The following AKAP13 variants were observed in gnomAD, a reference collection of about 807,000 sequenced individuals.
AKAP13 encodes A-kinase anchor protein 13.
In AKAP13, 80 loss-of-function variants were observed where a neutral mutation model predicts 264.5. The observed-to-expected ratio is 0.30, with a 90% CI of 0.25 to 0.36. The LOEUF (loss-of-function observed/expected upper bound fraction) is 0.36. Ranked by LOEUF, AKAP13 falls within the 10% of genes least tolerant of loss-of-function variation. The pLI, the probability that AKAP13 is intolerant of heterozygous loss-of-function variation, is 1.00. For missense variants in AKAP13, 3,712 were observed against 3,435.2 expected, an observed-to-expected ratio of 1.08 and a Z score of -2.01; for synonymous variants, 1,380 against 1,250.2, an observed-to-expected ratio of 1.10 and a Z score of -2.19.
intron 2 of AKAP13, among the ~76,000 whole-genome samples, chr15:85,517,326 A>G (rs1304063938): frequency 6.6e-6 from 1 of 151,098 alleles, no homozygotes; most frequent in Non-Finnish European, 1.5e-5. Context: ...CCATCCCCCA[A>G]ATACGTTTCC....
At chr15:85,446,999 C>T (rs1019258991) in intron 1 of AKAP13, among the ~76,000 whole-genome samples, 7 of 152,018 alleles carry the variant, frequency 4.6e-5, no homozygotes, top group South Asian at 2.1e-4. Flanking sequence ...CCGGGTGTGG[C>T]GGCTCACACC....
chr15:85,688,308 T>C (rs1386883045), intron 16 of AKAP13, among the ~76,000 whole-genome samples: 1 of 152,208 alleles, frequency 6.6e-6, no homozygotes, highest in African/African-American at 2.4e-5. Flanking sequence ...GACACTGATT[T>C]TTCTGTGAAA....
chr15:85,484,967 T>C (rs146382911), intron 1 of AKAP13, among the ~76,000 whole-genome samples: 483 of 152,302 alleles, frequency 3.2e-3, no homozygotes, highest in African/African-American at 0.011. Context: ...TCTTAAGAGA[T>C]TGAGATCACT....
Position 85,580,065 on chromosome 15 carries a change from C to T in AKAP13, c.1997C>T (p.Ala666Val), listed in dbSNP as rs760769584. 3 of 1,614,210 alleles carry T rather than the reference C, an allele frequency of 1.9e-6. No homozygotes were observed. The highest frequency in any genetic ancestry group is 2.5e-6 in the Non-Finnish European group (3 of 1,180,032). ...TGDDKLCADSACQQNTVTSSG... is the reference protein window; with the variant it reads ...TGDDKLCADSVCQQNTVTSSG... Reference sequence around the variant, plus strand: ...GACGATAAACTTTGTGCAGACTCTGCATGTCAACAGAACACAGTGACTTCT... The same window carrying T: ...GACGATAAACTTTGTGCAGACTCTGTATGTCAACAGAACACAGTGACTTCT... Residue 666 changes from alanine to valine, a missense_variant, in exon 7 of 37, where the codon GCA (alanine) becomes GTA (valine). Around this residue, in one of 3 missense-constraint regions of AKAP13, gnomAD observed 2,759 missense variants for 2,411.7 expected, o/e 1.14. Transcript: ENST00000394518.
chr15:85,493,823 TAAAAG>T (rs1278487944), intron 2 of AKAP13, among the ~76,000 whole-genome samples: 1 of 152,016 alleles, frequency 6.6e-6, no homozygotes, highest in African/African-American at 2.4e-5. Context: ...TGTCAGATGA[TAAAAG>T]AAAAAGCCAA....
intron 32 of AKAP13, 24 bp from the exon 33 acceptor site, chr15:85,736,066 A>T: frequency 6.5e-7 from 1 of 1,548,262 alleles, no homozygotes; most frequent in South Asian, 1.1e-5. Context: ...TCATTTTTTT[A>T]TATGTATGTT....
chr15:85,574,770 C>T (rs11630968), intron 5 of AKAP13, among the ~76,000 whole-genome samples: 30,841 of 152,186 alleles, frequency 0.2, 4,134 homozygotes, highest in Middle Eastern at 0.41. Flanking sequence ...AAGAGCACCT[C>T]TTAATAAGCC....
chr15:85,399,502 C>CAAAAAAAA (rs71138392), intron 1 of AKAP13, among the ~76,000 whole-genome samples: 125 of 76,830 alleles, frequency 1.6e-3, no homozygotes, highest in East Asian at 3.0e-3. Flanking sequence ...GACTCCGTCT[C>CAAAAAAAA]AAAAAAAAAA....
chr15:85,630,234 AACACACACAC>A (rs71141472), intron 8 of AKAP13, among the ~76,000 whole-genome samples: 5 of 119,166 alleles, frequency 4.2e-5, no homozygotes, highest in South Asian at 3.2e-4. Context: ...GGAAAATTGT[AACACACACAC>A]ACACACACAC....
chr15:85,710,850 A>G (rs1224245033), intron 19 of AKAP13, among the ~76,000 whole-genome samples: 3 of 152,160 alleles, frequency 2.0e-5, no homozygotes, highest in East Asian at 1.9e-4. Flanking sequence ...GGTCTCTAAA[A>G]CAGTCTGTGT....
In AKAP13 at chr15:85,708,250, G is replaced by A. The variant is rs940121094; in HGVS notation, c.5532+164G>A. 1.3e-5 allele frequency among the ~76,000 whole-genome samples: 2 copies of A among 152,162 alleles called. No homozygotes were observed. Among genetic ancestry groups the A allele is most frequent in the Admixed American group, 6.5e-5 (1 of 15,282 alleles). ...CTAAAAAATATTTTTTCTCTTAAGC[G>A]ATCAATCTTCTTCTTGAGTAACACT... On this transcript the variant is annotated intron_variant, in intron 18 of 36. Coordinates refer to ENST00000394518, the MANE Select transcript of AKAP13 (RefSeq NM_007200.5). The surrounding 1 kb of genome is among the most constrained non-coding windows in gnomAD (Gnocchi z 4.3).
chr15:85,726,982 C>T, intron 27 of AKAP13, 84 bp from the exon 28 acceptor site: 1 of 1,480,990 alleles, frequency 6.8e-7, no homozygotes, highest in Non-Finnish European at 9.3e-7. Context: ...TTAACAGCAT[C>T]TGGTCTTACC....
chr15:85,412,975 G>A (rs2072054605), intron 1 of AKAP13, among the ~76,000 whole-genome samples: 1 of 151,938 alleles, frequency 6.6e-6, no homozygotes, highest in South Asian at 2.1e-4. Context: ...TCAAGTAATT[G>A]GCCCAAGCTT....
At chr15:85,664,258 T>C (rs770904919) in intron 12 of AKAP13, among the ~76,000 whole-genome samples, 5 of 152,164 alleles carry the variant, frequency 3.3e-5, no homozygotes, top group Non-Finnish European at 7.4e-5. Flanking sequence ...ATATAAAATA[T>C]CAGATAACTA....
At chr15:85,706,713 C>T (rs1334783463) in intron 17 of AKAP13, among the ~76,000 whole-genome samples, 1 of 152,142 alleles carries the variant, frequency 6.6e-6, no homozygotes, top group Non-Finnish European at 1.5e-5. Flanking sequence ...ATGAGCTAGG[C>T]ACTATGCTGG....
rs1181015117 is a variant in AKAP13 at position 85,746,398 on chromosome 15, ACT to A, written c.*1724_*1725del. 6.6e-6 allele frequency: 1 copy of A among 151,786 alleles called. No homozygotes were observed. The highest frequency in any genetic ancestry group is 1.5e-5 in the Non-Finnish European group (1 of 67,930). 9.4% of individuals were successfully genotyped at this position (151,786 alleles called of 1,614,324 possible). A position where few individuals can be genotyped will look rare whatever the true frequency, so the allele number is the denominator to read the frequency against. ...AGTGAAGTGGCAGCCAGCACTGTTC[ACT>A]CTGTGTCTTTTGAAGTGCCTTGAAG... On this transcript the variant is annotated 3_prime_UTR_variant, in exon 37 of 37. Coordinates refer to ENST00000394518, the MANE Select transcript of AKAP13 (RefSeq NM_007200.5).
rs771325543 is a variant in AKAP13 at position 85,581,638 on chromosome 15, T to C, written c.3570T>C (p.Pro1190=). ...DDEAHPVLLQ[P]VAKELPTDME... ...AAGCACATCCTGTCCTACTGCAGCC[T>C]GTTGCCAAGGAGCTCCCCACAGACA... Residue 1190 remains proline, a synonymous_variant, in exon 7 of 37, where the codon CCT becomes CCC. Transcript: ENST00000394518. The C allele has an allele frequency of 6.2e-7, 1 of 1,614,190 alleles. No individual in the cohort carries two copies. The highest frequency in any genetic ancestry group is 1.3e-5 in the African/African-American group (1 of 75,054).
chr15:85,427,818 T>C lies in AKAP13; in HGVS notation c.-12+47020T>C, dbSNP rs1179455652. Among the ~76,000 whole-genome samples, 3 of 152,242 alleles carry C rather than the reference T, an allele frequency of 2.0e-5. No homozygotes were observed. The East Asian group carries it at 5.8e-4, about 29-fold the overall frequency. ...ATGTTAGTCATAAGTGACATGGCTG[T>C]CAGAGTTGCTAAGTTGATCTTGAAT... On this transcript the variant is annotated intron_variant, in intron 1 of 36. Transcript: ENST00000394518.
chr15:85,486,190 G>A (rs2075536772), intron 2 of AKAP13, among the ~76,000 whole-genome samples: 2 of 152,076 alleles, frequency 1.3e-5, no homozygotes. Flanking sequence ...CCTAAAGTGA[G>A]GGACTTCCCT....
Sources: allele counts gnomAD v4.1 joint callset (sites outside exome capture counted in the v4.1 genomes callset), GRCh38; gene constraint gnomAD v4.1.1; regional missense constraint gnomAD v4.1.1; non-coding constraint Gnocchi (gnomAD v3.1); transcripts MANE v1.5; gene names NCBI Gene and HGNC (gene_info 2026-07-23, HGNC 2026-07-21).